The following TRIM33 variants were observed in gnomAD, a reference collection of about 807,000 sequenced individuals.
TRIM33 encodes E3 ubiquitin-protein ligase TRIM33.
Under a neutral mutation model 125.4 loss-of-function variants are expected in TRIM33, and 20 were observed. The observed-to-expected ratio is 0.16, with a 90% CI of 0.11 to 0.23. The LOEUF (loss-of-function observed/expected upper bound fraction) is 0.23. Ranked by LOEUF, TRIM33 falls within the 10% of genes least tolerant of loss-of-function variation. The probability of loss-of-function intolerance (pLI) is 1.00; values close to 1 mark genes in which losing one functional copy is unlikely to be tolerated. For synonymous variants in TRIM33, 564 were observed against 513.9 expected (o/e 1.10, Z -1.32); for missense variants, 920 against 1,411.4 (o/e 0.65, Z 5.58).
chr1:114,421,725 A>C, intron 10 of TRIM33, 89 bp from the exon 11 acceptor site: 1 of 1,283,580 alleles, frequency 7.8e-7, no homozygotes, highest in African/African-American at 1.5e-5. Flanking sequence ...TTAGGAAGGA[A>C]ACAGAAGAAA....
chr1:114,500,942 G>A lies in TRIM33; in HGVS notation c.526+9609C>T, dbSNP rs572781299. On this transcript the variant is annotated intron_variant, in intron 1 of 19. Transcript: ENST00000358465. ...GCGGTGGCTCACGCCTGTAATCCCAGCACTTTGGGAGGCCGAGGCGGGCGG... is the reference window on the plus strand; with the variant it reads ...GCGGTGGCTCACGCCTGTAATCCCAACACTTTGGGAGGCCGAGGCGGGCGG... 3.4e-4 allele frequency among the ~76,000 whole-genome samples: 22 copies of A among 65,060 alleles called. 1 individual carries two copies. The East Asian group carries it at 4.6e-3, about 14-fold the overall frequency. 42.7% of individuals were successfully genotyped at this position (65,060 alleles called of 152,430 possible).
chr1:114,510,767 C>T lies in TRIM33; in HGVS notation c.310G>A (p.Ala104Thr), dbSNP rs1043050663. The change falls in exon 1 of 20, where the codon GCT becomes ACT. Residue 104 changes from alanine to threonine, a missense_variant. Transcript: ENST00000358465. ...VSTPAPAPAS[A>T]PAPGPSAGPP... is the part of the protein sequence containing the mutation. The stretch of plus-strand genomic sequence containing the variant: ...CCTGCCGAGGGACCCGGAGCGGGAG[C>T]CGAGGCTGGAGCTGGAGCCGGCGTC... The T allele has an allele frequency of 6.6e-7, 1 of 1,522,134 alleles. No individual in the cohort carries two copies. The allele number at this position is 1,522,134 out of a possible 1,614,324, so 94.3% of individuals were successfully genotyped here.
intron 11 of TRIM33, among the ~76,000 whole-genome samples, chr1:114,419,229 A>T (rs1425220018): frequency 1.3e-5 from 2 of 151,334 alleles, no homozygotes; most frequent in South Asian, 2.1e-4. Flanking sequence ...AAAGAAAGAA[A>T]GAATGAAAAA....
chr1:114,454,808 C>T (rs1044574276), intron 4 of TRIM33, among the ~76,000 whole-genome samples: 6 of 152,120 alleles, frequency 3.9e-5, no homozygotes, highest in African/African-American at 1.4e-4. Flanking sequence ...GTCTGGGCTG[C>T]AGTCACTAGT....
chr1:114,435,460 AG>A (rs1648217533), intron 4 of TRIM33, among the ~76,000 whole-genome samples: 2 of 152,220 alleles, frequency 1.3e-5, no homozygotes, highest in African/African-American at 4.8e-5. Context: ...AAATCACAAA[AG>A]TAATAATACT....
At chr1:114,503,138 T>C (rs1652807366) in intron 1 of TRIM33, among the ~76,000 whole-genome samples, 1 of 152,190 alleles carries the variant, frequency 6.6e-6, no homozygotes, top group African/African-American at 2.4e-5. Context: ...TCAGTTGCAA[T>C]GTGGCATCTC....
chr1:114,428,040 T>C (rs1163031521), intron 6 of TRIM33, 146 bp from the exon 7 acceptor site: 3 of 821,070 alleles, frequency 3.7e-6, no homozygotes, highest in Middle Eastern at 3.5e-4. Flanking sequence ...AAGCCTATCA[T>C]CAGAGGAAAA....
In TRIM33 at chr1:114,430,917, A is replaced by G; in HGVS notation, c.1041-5T>C. 1 of 1,452,762 alleles carries G rather than the reference A, an allele frequency of 6.9e-7. No individual in the cohort carries two copies. The highest frequency in any genetic ancestry group is 9.7e-7 in the Non-Finnish European group (1 of 1,033,806). The allele number at this position is 1,452,762 out of a possible 1,614,324, so 90.0% of individuals were successfully genotyped here. A position where few individuals can be genotyped will look rare whatever the true frequency, so the allele number is the denominator to read the frequency against. Reference sequence around the variant, plus strand: ...GTCTCATTTACTTCTTTTATCCTGAATAAGAGAAATGCATCATTAGGTTAT... The same window carrying G: ...GTCTCATTTACTTCTTTTATCCTGAGTAAGAGAAATGCATCATTAGGTTAT... On this transcript the variant is annotated splice_polypyrimidine_tract_variant and splice_region_variant and intron_variant, in intron 5 of 19. Coordinates refer to ENST00000358465, the MANE Select transcript of TRIM33 (RefSeq NM_015906.4).
intron 1 of TRIM33, among the ~76,000 whole-genome samples, chr1:114,499,898 C>T (rs1056495928): frequency 2.6e-5 from 4 of 152,174 alleles, no homozygotes; most frequent in African/African-American, 9.7e-5. Context: ...CAGTGGCTCA[C>T]ACCTGTAATC....
intron 1 of TRIM33, among the ~76,000 whole-genome samples, chr1:114,498,126 CAAAAAAAAAAA>C (rs71090785): frequency 5.9e-4 from 44 of 74,178 alleles, no homozygotes; most frequent in African/African-American, 2.2e-3. Context: ...GACTCTGTCT[CAAAAAAAAAAA>C]AAAAAAAAAG....
At chr1:114,402,975 C>T in intron 15 of TRIM33, 92 bp from the exon 16 acceptor site, 1 of 1,268,976 alleles carries the variant, frequency 7.9e-7, no homozygotes, top group Non-Finnish European at 1.0e-6. Flanking sequence ...GGTTTATTTT[C>T]TTAATAATTT....
At chr1:114,473,547 T>C (rs1484323201) in intron 1 of TRIM33, among the ~76,000 whole-genome samples, 2 of 151,752 alleles carry the variant, frequency 1.3e-5, no homozygotes, top group Non-Finnish European at 2.9e-5. Flanking sequence ...TGAATCAGGG[T>C]GGAGAATGAG....
chr1:114,485,800 G>GC (rs1266046463), intron 1 of TRIM33, among the ~76,000 whole-genome samples: 4 of 152,080 alleles, frequency 2.6e-5, no homozygotes, highest in African/African-American at 9.7e-5. Context: ...AAATAGAATC[G>GC]CAAGTCTCAG....
intron 8 of TRIM33, among the ~76,000 whole-genome samples, chr1:114,426,111 C>T (rs1200217741): frequency 2.0e-5 from 3 of 152,146 alleles, no homozygotes; most frequent in Non-Finnish European, 4.4e-5. Flanking sequence ...CTTTGAATTG[C>T]CAAAATATGC....
intron 4 of TRIM33, among the ~76,000 whole-genome samples, chr1:114,445,593 A>G (rs932831888): frequency 2.0e-5 from 3 of 152,204 alleles, no homozygotes; most frequent in African/African-American, 7.2e-5. Flanking sequence ...GATGAAAATC[A>G]GCTCAGCGAA....
intron 4 of TRIM33, 83 bp downstream of exon 4, chr1:114,463,021 A>C (rs976867858): frequency 9.3e-7 from 1 of 1,073,726 alleles, no homozygotes; most frequent in Non-Finnish European, 1.3e-6. Context: ...ACAAACATAT[A>C]ATCAATATTT....
chr1:114,446,224 A>G (rs74602040), intron 4 of TRIM33, among the ~76,000 whole-genome samples: 1 of 152,226 alleles, frequency 6.6e-6, no homozygotes, highest in Non-Finnish European at 1.5e-5. Context: ...AAAACAAGAA[A>G]TGCTGGAGAA....
At chr1:114,419,692 T>C (rs1440061841) in intron 11 of TRIM33, among the ~76,000 whole-genome samples, 2 of 152,240 alleles carry the variant, frequency 1.3e-5, no homozygotes, top group South Asian at 2.1e-4. Flanking sequence ...TAGTGATTTC[T>C]GAACAATTTT....
rs1435848800 is a variant in TRIM33 at position 114,397,258 on chromosome 1, C to G, written c.*390G>C. The G allele has an allele frequency of 1.1e-5, 3 of 269,860 alleles. No individual in the cohort carries two copies. The highest frequency in any genetic ancestry group is 1.4e-5 in the Non-Finnish European group (2 of 140,690). The allele number at this position is 269,860 out of a possible 1,614,324, so 16.7% of individuals were successfully genotyped here. A position where few individuals can be genotyped will look rare whatever the true frequency, so the allele number is the denominator to read the frequency against. On this transcript the variant is annotated 3_prime_UTR_variant, in exon 20 of 20. Coordinates refer to ENST00000358465, the MANE Select transcript of TRIM33 (RefSeq NM_015906.4). ...TGTTTTAATAACTGTGCGACCTAGT[C>G]CAAAAAGAAAATTTATCAAGTGACA... is the stretch of plus-strand genomic sequence containing the variant.
Sources: gnomAD v4.1 joint callset for allele counts (sites outside exome capture counted in the v4.1 genomes callset) on GRCh38, gnomAD v4.1.1 for gene constraint, MANE v1.5 for transcripts, NCBI Gene and HGNC (gene_info 2026-07-23, HGNC 2026-07-21) for gene names.